Variants in CDH13 observed in about 807,000 individuals in gnomAD.
CDH13 encodes cadherin 13.
Under a neutral mutation model 63.8 loss-of-function variants are expected in CDH13, and 24 were observed. That is an observed-to-expected ratio of 0.38 (90% CI 0.27 to 0.53). The LOEUF (loss-of-function observed/expected upper bound fraction) is 0.53, where lower values mean the gene tolerates loss of function less well. CDH13 is among the 20% of genes least tolerant of loss of function. CDH13 has a pLI of 0.85. For missense variants in CDH13, 1,049 were observed against 903.1 expected (o/e 1.16, Z -2.07); for synonymous variants, 503 against 355.3 (o/e 1.42, Z -4.67).
chr16:83,490,173 A>G (rs2073981476), intron 7 of CDH13, among the ~76,000 whole-genome samples: 1 of 152,068 alleles, frequency 6.6e-6, no homozygotes, highest in Non-Finnish European at 1.5e-5. Context: ...CACAATAACA[A>G]TTTTTCATCT....
chr16:83,436,354 G>A (rs779410050), intron 6 of CDH13, among the ~76,000 whole-genome samples: 7 of 151,964 alleles, frequency 4.6e-5, no homozygotes, highest in East Asian at 1.9e-4. Flanking sequence ...TTAAAAAAAC[G>A]TACTCTCTCT....
chr16:83,497,747 G>A (rs1233426662), intron 7 of CDH13, among the ~76,000 whole-genome samples: 4 of 152,090 alleles, frequency 2.6e-5, no homozygotes, highest in African/African-American at 9.7e-5. Flanking sequence ...TGACCAACGG[G>A]CCATAGTTGG....
intron 6 of CDH13, among the ~76,000 whole-genome samples, chr16:83,372,489 C>T (rs949988456): frequency 1.3e-5 from 2 of 152,212 alleles, no homozygotes; most frequent in Middle Eastern, 3.4e-3. Context: ...TGCGGTGGCT[C>T]ATGCCTGTTA....
intron 6 of CDH13, among the ~76,000 whole-genome samples, chr16:83,440,224 T>C (rs1197763344): frequency 1.3e-5 from 2 of 152,226 alleles, no homozygotes; most frequent in African/African-American, 2.4e-5. Flanking sequence ...CACAGAGTTG[T>C]AGACAGGCTT....
At chr16:83,777,435 C>T (rs1372238739) in intron 11 of CDH13, among the ~76,000 whole-genome samples, 1 of 152,220 alleles carries the variant, frequency 6.6e-6, no homozygotes, top group African/African-American at 2.4e-5. Context: ...TGGCAGAACA[C>T]CCTGCGGTCC....
intron 10 of CDH13, among the ~76,000 whole-genome samples, chr16:83,694,285 A>G (rs765991139): frequency 6.6e-6 from 1 of 152,224 alleles, no homozygotes; most frequent in Non-Finnish European, 1.5e-5. Context: ...ATGCAAGAGC[A>G]TCCAGTTTGC....
At chr16:83,653,834 T>G (rs997631462) in intron 8 of CDH13, among the ~76,000 whole-genome samples, 2 of 152,160 alleles carry the variant, frequency 1.3e-5, no homozygotes, top group African/African-American at 4.8e-5. Context: ...CCTCCTATGG[T>G]TTGTCCGCTG....
intron 4 of CDH13, among the ~76,000 whole-genome samples, chr16:83,133,852 C>T (rs1791581251): frequency 6.6e-6 from 1 of 152,182 alleles, no homozygotes; most frequent in Non-Finnish European, 1.5e-5. Context: ...TTTGATGGCA[C>T]TTAACACATT....
chr16:83,572,417 A>G (rs1435524051), intron 7 of CDH13, among the ~76,000 whole-genome samples: 3 of 152,156 alleles, frequency 2.0e-5, no homozygotes, highest in Non-Finnish European at 4.4e-5. Context: ...TTGGGATTAC[A>G]GGCACAAGCC....
At chr16:82,750,262 A>G (rs919066347) in intron 1 of CDH13, among the ~76,000 whole-genome samples, 1 of 152,150 alleles carries the variant, frequency 6.6e-6, no homozygotes, top group Admixed American at 6.5e-5. Context: ...GTAAATAAAC[A>G]AGCCACATCC....
At chr16:82,779,084 G>T (rs977041118) in intron 1 of CDH13, among the ~76,000 whole-genome samples, 1 of 152,162 alleles carries the variant, frequency 6.6e-6, no homozygotes, top group East Asian at 1.9e-4. Flanking sequence ...GGAGGGAGAA[G>T]GGTAAAGCTT....
chr16:83,742,146 C>A (rs1209263185), intron 10 of CDH13, among the ~76,000 whole-genome samples: 1 of 152,208 alleles, frequency 6.6e-6, no homozygotes, highest in African/African-American at 2.4e-5. Flanking sequence ...GGCTGGCAGC[C>A]CTTGGCTCTG....
intron 1 of CDH13, among the ~76,000 whole-genome samples, chr16:82,700,928 C>T (rs979081470): frequency 2.3e-5 from 3 of 128,866 alleles, no homozygotes; most frequent in African/African-American, 5.9e-5. Flanking sequence ...CAGTGCATTA[C>T]GTGCACCATT....
chr16:83,651,483 AC>A (rs1180860347), intron 8 of CDH13, among the ~76,000 whole-genome samples: 2 of 151,966 alleles, frequency 1.3e-5, no homozygotes, highest in Non-Finnish European at 2.9e-5. Flanking sequence ...GAAAATGGAG[AC>A]ACGGAGAGGT....
At chr16:83,752,600 A>C (rs1201989276) in intron 11 of CDH13, among the ~76,000 whole-genome samples, 1 of 152,222 alleles carries the variant, frequency 6.6e-6, no homozygotes, top group Non-Finnish European at 1.5e-5. Flanking sequence ...GGACCTAATG[A>C]TACCTTACAG....
chr16:83,682,769 C>G (rs1175487770), intron 10 of CDH13, among the ~76,000 whole-genome samples: 1 of 152,140 alleles, frequency 6.6e-6, no homozygotes, highest in Non-Finnish European at 1.5e-5. Flanking sequence ...TCCAACAACC[C>G]CATCTCATGT....
chr16:82,914,791 G>C (rs529307289), intron 2 of CDH13, among the ~76,000 whole-genome samples: 3 of 152,304 alleles, frequency 2.0e-5, no homozygotes, highest in Middle Eastern at 6.8e-3. Flanking sequence ...TTAGACATCA[G>C]TGTTCTCTAC....
At chr16:83,547,935 G>A (rs1053303227) in intron 7 of CDH13, among the ~76,000 whole-genome samples, 2 of 152,166 alleles carry the variant, frequency 1.3e-5, no homozygotes, top group Non-Finnish European at 2.9e-5. Flanking sequence ...AGCAGACCAG[G>A]CAGACCAAGA....
At chr16:82,628,858 C>T (rs7202931) in intron 1 of CDH13, among the ~76,000 whole-genome samples, 63,735 of 152,076 alleles carry the variant, frequency 0.42, 13,708 homozygotes, top group Non-Finnish European at 0.47. Flanking sequence ...GGTACCAACC[C>T]GGGCAAGTTG....
Sources: gnomAD v4.1 joint callset for allele counts (sites outside exome capture counted in the v4.1 genomes callset) on GRCh38, gnomAD v4.1.1 for gene constraint, MANE v1.5 for transcripts, NCBI Gene and HGNC (gene_info 2026-07-23, HGNC 2026-07-21) for gene names.